TMEM131: variants seen among roughly 807,000 people sequenced by gnomAD.
The protein encoded by TMEM131 is transmembrane protein 131.
Under a neutral mutation model 211.6 loss-of-function variants are expected in TMEM131, and 66 were observed. The ratio of observed to expected loss-of-function variants is 0.31; its 90% CI spans 0.26 to 0.38. The LOEUF (loss-of-function observed/expected upper bound fraction) is 0.38, where lower values mean the gene tolerates loss of function less well. TMEM131 is among the 10% of genes least tolerant of loss of function. The pLI is 1.00. For synonymous variants in TMEM131, 844 were observed against 841.3 expected, an observed-to-expected ratio of 1.00 and a Z score of -0.06; for missense variants, 2,036 against 2,299.3, an observed-to-expected ratio of 0.89 and a Z score of 2.34.
At chr2:97,780,793 T>C (rs1378038029) in intron 31 of TMEM131, among the ~76,000 whole-genome samples, 1 of 152,154 alleles carries the variant, frequency 6.6e-6, no homozygotes, top group Non-Finnish European at 1.5e-5. Context: ...AACTGGTGCA[T>C]AATCAGTAAT....
intron 4 of TMEM131, among the ~76,000 whole-genome samples, chr2:97,870,573 A>G (rs1042839244): frequency 2.6e-5 from 4 of 152,204 alleles, no homozygotes; most frequent in Non-Finnish European, 5.9e-5. Flanking sequence ...CAAAAGAATT[A>G]GAAAGCAGCA....
chr2:97,900,238 T>C (rs1217114929), intron 3 of TMEM131, among the ~76,000 whole-genome samples: 1 of 152,116 alleles, frequency 6.6e-6, no homozygotes, highest in East Asian at 1.9e-4. Context: ...ACTGAACATA[T>C]ACTGTGCTTT....
In TMEM131 at chr2:97,757,319, C is replaced by G; in HGVS notation, c.5432G>C (p.Ser1811Thr). 6.2e-7 allele frequency: 1 copy of G among 1,613,798 alleles called. No individual in the cohort carries two copies. The highest frequency in any genetic ancestry group is 1.7e-4 in the Middle Eastern group (1 of 6,054). ...GAAGGGAAGGGCGCTGCTAAGGTTG[C>G]TGGACCAAATGGAGCTGCTGAATGG... The part of the protein sequence containing the change: ...TTPFSSSIWS[S>T]NLSSALPFTT... The change falls in exon 41 of 41, where the codon AGC (serine) becomes ACC (threonine). Residue 1811 changes from serine (S) to threonine (T), a missense_variant. Ser to Thr is a moderately conservative substitution (Grantham distance 58). Transcript: ENST00000186436.
intron 4 of TMEM131, among the ~76,000 whole-genome samples, chr2:97,883,484 T>C (rs1373860489): frequency 2.6e-5 from 4 of 152,210 alleles, no homozygotes; most frequent in African/African-American, 9.6e-5. Context: ...ACAGTCTCTA[T>C]GAGAAATCCC....
At position 97,792,471 on chromosome 2, in the gene TMEM131, G is replaced by C; in HGVS notation, c.4059C>G (p.Ala1353=). The C allele has an allele frequency of 6.2e-7, 1 of 1,613,740 alleles. No individual in the cohort carries two copies. The highest frequency in any genetic ancestry group is 8.5e-7 in the Non-Finnish European group (1 of 1,179,820). The part of the protein sequence containing the change: ...EDSDITSLIE[A]MDKDFDHHDS... ...CATGGTGGTCGAAGTCTTTGTCCAT[G>C]GCTTCTATGAGACTGGTGATGTCCG... The change falls in exon 31 of 41, where the codon GCC becomes GCG. Residue 1353 remains alanine (A), a synonymous_variant. Transcript: ENST00000186436.
chr2:97,984,101 T>A (rs1679921685), intron 1 of TMEM131, among the ~76,000 whole-genome samples: 1 of 152,214 alleles, frequency 6.6e-6, no homozygotes, highest in Non-Finnish European at 1.5e-5. Context: ...TAGGTTAACA[T>A]AAACCATATA....
intron 10 of TMEM131, among the ~76,000 whole-genome samples, chr2:97,833,887 T>C (rs1682822272): frequency 6.6e-6 from 1 of 152,138 alleles, no homozygotes; most frequent in African/African-American, 2.4e-5. Context: ...AGTCTTGAAC[T>C]CCTGGCCTCA....
At chr2:97,989,547 A>G (rs1187359975) in intron 1 of TMEM131, among the ~76,000 whole-genome samples, 1 of 152,234 alleles carries the variant, frequency 6.6e-6, no homozygotes, top group Non-Finnish European at 1.5e-5. Flanking sequence ...TCTGCTACAC[A>G]ACAACGTGAA....
chr2:97,855,531 C>T (rs571016137), intron 5 of TMEM131, among the ~76,000 whole-genome samples: 1 of 152,128 alleles, frequency 6.6e-6, no homozygotes, highest in Admixed American at 6.5e-5. Context: ...AAAACTCCAT[C>T]TCTACCAAAA....
chr2:97,838,646 T>G (rs1346441330), intron 7 of TMEM131, among the ~76,000 whole-genome samples: 1 of 152,108 alleles, frequency 6.6e-6, no homozygotes, highest in Non-Finnish European at 1.5e-5. Flanking sequence ...GGTTTCACCA[T>G]GTTGGTCAGG....
At chr2:97,798,296 C>A (rs1238000678) in intron 25 of TMEM131, among the ~76,000 whole-genome samples, 1 of 152,198 alleles carries the variant, frequency 6.6e-6, no homozygotes, top group Non-Finnish European at 1.5e-5. Context: ...TTTTAAGCAA[C>A]ATTAAGTGTA....
chr2:97,948,893 G>A (rs1027776336), intron 1 of TMEM131, among the ~76,000 whole-genome samples: 2 of 152,200 alleles, frequency 1.3e-5, no homozygotes, highest in Non-Finnish European at 2.9e-5. Context: ...TCCTGACCTC[G>A]TGATCTGCCC....
Position 97,812,566 on chromosome 2 carries a change from A to G in TMEM131, c.1729-11T>C. The G allele has an allele frequency of 6.3e-7, 1 of 1,596,862 alleles. No individual in the cohort carries two copies. Among genetic ancestry groups the G allele is most frequent in the Non-Finnish European group, 8.5e-7 (1 of 1,174,850 alleles). On this transcript the variant is annotated splice_polypyrimidine_tract_variant and intron_variant, in intron 16 of 40. Transcript: ENST00000186436. ...ACTTTTTATAGCCAACTTTAAAAAA[A>G]GATATGAAAATGATTATCACAACAC...
At chr2:97,811,690 C>A (rs1681554161) in intron 17 of TMEM131, among the ~76,000 whole-genome samples, 1 of 152,208 alleles carries the variant, frequency 6.6e-6, no homozygotes, top group African/African-American at 2.4e-5. Flanking sequence ...AACACCAGAC[C>A]TATGGCATTC....
chr2:97,805,605 G>A lies in TMEM131; in HGVS notation c.2154C>T (p.Tyr718=). The A allele has an allele frequency of 1.2e-6, 2 of 1,611,596 alleles. No individual in the cohort carries two copies. Among genetic ancestry groups the A allele is most frequent in the Non-Finnish European group, 1.7e-6 (2 of 1,178,162 alleles). The change falls in exon 20 of 41, where the codon TAC becomes TAT. Residue 718 remains tyrosine, a synonymous_variant. Coordinates refer to ENST00000186436, the MANE Select transcript of TMEM131 (RefSeq NM_015348.2). ...CCTTATTGCCCCGTAATCGTTTATA[G>A]TAAAATCGCACATCTTCTGACAAAG... ...IRSLSEDVRF[Y]YKRLRGNKED... is the part of the protein sequence containing the mutation.
intron 7 of TMEM131, among the ~76,000 whole-genome samples, chr2:97,840,600 A>C (rs546605969): frequency 1.3e-5 from 2 of 152,336 alleles, no homozygotes; most frequent in African/African-American, 4.8e-5. Flanking sequence ...TTGTAAAAAC[A>C]GGAAAGAAAG....
At chr2:97,925,211 G>A (rs926699255) in intron 2 of TMEM131, among the ~76,000 whole-genome samples, 15 of 152,166 alleles carry the variant, frequency 9.9e-5, no homozygotes, top group Non-Finnish European at 8.8e-5. Context: ...AGATTAGGAA[G>A]CAGATTCAGG....
rs552680700 is a variant in TMEM131 at position 97,980,566 on chromosome 2, T to A, written c.187+14910A>T. On this transcript the variant is annotated intron_variant, in intron 1 of 40. Transcript: ENST00000186436. ...ATAGGATCCAGACATTCCACTCATA[T>A]GTACTTACCTGAGAGAAAATAAAAT... Among the ~76,000 whole-genome samples, 43 of 152,332 alleles carry A rather than the reference T, an allele frequency of 2.8e-4. No individual in the cohort carries two copies. The South Asian group carries it at 8.9e-3, about 32-fold the overall frequency.
At chr2:97,796,083 T>C (rs1397505932) in intron 28 of TMEM131, 135 bp downstream of exon 28, 4 of 543,486 alleles carry the variant, frequency 7.4e-6, no homozygotes, top group Non-Finnish European at 1.2e-5. Flanking sequence ...AGAAATACCT[T>C]AGCCAAAGAT....
Sources: allele counts gnomAD v4.1 joint callset (sites outside exome capture counted in the v4.1 genomes callset), GRCh38; gene constraint gnomAD v4.1.1; transcripts MANE v1.5; gene names NCBI Gene and HGNC (gene_info 2026-07-23, HGNC 2026-07-21).